Variants in LATS2 observed in about 807,000 individuals in gnomAD.
LATS2 encodes the protein serine/threonine-protein kinase LATS2.
Under a neutral mutation model 76.0 loss-of-function variants are expected in LATS2, and 24 were observed. That is an observed-to-expected ratio of 0.32 (90% CI 0.23 to 0.44). LATS2 has a LOEUF of 0.44. LATS2 is among the 20% of genes least tolerant of loss of function. The pLI is 1.00. For synonymous variants in LATS2, 692 were observed against 635.4 expected (o/e 1.09, Z -1.34); for missense variants, 1,286 against 1,481.2 (o/e 0.87, Z 2.16).
chr13:21,058,682 A>C (rs1258271544), intron 1 of LATS2, among the ~76,000 whole-genome samples: 1 of 152,254 alleles, frequency 6.6e-6, no homozygotes, highest in Non-Finnish European at 1.5e-5. Context: ...TAATTTTGCA[A>C]GACAGGCTAG....
chr13:20,982,513 G>A (rs983406103), intron 5 of LATS2, among the ~76,000 whole-genome samples: 3 of 152,104 alleles, frequency 2.0e-5, no homozygotes, highest in East Asian at 2.0e-4. Flanking sequence ...GTTTCTCCAC[G>A]TTGGTCAGGC....
At chr13:21,001,932 G>T (rs1871058631) in intron 2 of LATS2, among the ~76,000 whole-genome samples, 1 of 147,418 alleles carries the variant, frequency 6.8e-6, no homozygotes, top group African/African-American at 2.5e-5. Flanking sequence ...ATTTTTTTTT[G>T]AGGCGGAGTC....
chr13:21,003,498 T>C (rs1263148658), intron 2 of LATS2, among the ~76,000 whole-genome samples: 1 of 151,790 alleles, frequency 6.6e-6, no homozygotes, highest in Non-Finnish European at 1.5e-5. Flanking sequence ...TGGAGTGCAG[T>C]GACACAATCT....
At chr13:21,036,849 T>C (rs927692813) in intron 2 of LATS2, among the ~76,000 whole-genome samples, 5 of 152,156 alleles carry the variant, frequency 3.3e-5, no homozygotes, top group Non-Finnish European at 7.3e-5. Flanking sequence ...TAGTTTTTAG[T>C]AGTAGTAGTG....
intron 2 of LATS2, among the ~76,000 whole-genome samples, chr13:21,030,588 T>C (rs1872487558): frequency 4.5e-5 from 3 of 66,862 alleles, no homozygotes; most frequent in South Asian, 1.1e-3. Context: ...AGAGACTCCG[T>C]CTCAAAAAAA....
In LATS2 at chr13:20,988,628, C is replaced by G. The variant is rs571394727; in HGVS notation, c.1152G>C (p.Pro384=). 3.1e-6 allele frequency: 5 copies of G among 1,587,818 alleles called. No homozygotes were observed. The highest frequency in any genetic ancestry group is 2.3e-5 in the East Asian group (1 of 44,354). The change falls in exon 4 of 8, where the codon CCG becomes CCC. Residue 384 remains proline, a synonymous_variant. Transcript: ENST00000382592. ...GCGCGCGCGGCGGCGCCTCCAGGCC[C>G]GGCTTCTGCAGGGAGTCCCGGCGGG... ...TLARRDSLQK[P]GLEAPPRAHV... is the part of the protein sequence containing the mutation.
In LATS2 at chr13:21,032,072, T is replaced by C. The variant is rs567628436; in HGVS notation, c.342+13613A>G. 2.0e-5 allele frequency among the ~76,000 whole-genome samples: 3 copies of C among 152,356 alleles called. No individual in the cohort carries two copies. In the South Asian group the frequency reaches 6.2e-4, roughly 32 times the overall value. Reference sequence around the variant, plus strand: ...CTCCTGGTGCTATTGACTGCCTTAGTTCCTAAGGGTTTCACTTTCCGTTTT... The same window carrying C: ...CTCCTGGTGCTATTGACTGCCTTAGCTCCTAAGGGTTTCACTTTCCGTTTT... On this transcript the variant is annotated intron_variant, in intron 2 of 7. Transcript: ENST00000382592.
chr13:20,995,285 T>C (rs1870703550), intron 2 of LATS2, among the ~76,000 whole-genome samples: 1 of 152,254 alleles, frequency 6.6e-6, no homozygotes, highest in African/African-American at 2.4e-5. Context: ...CTGTGTATTC[T>C]TCTTACAATA....
chr13:21,044,566 C>T (rs982300403), intron 2 of LATS2, among the ~76,000 whole-genome samples: 4 of 152,172 alleles, frequency 2.6e-5, no homozygotes, highest in Non-Finnish European at 5.9e-5. Flanking sequence ...TTACATTTCA[C>T]TAATTACATT....
chr13:20,981,338 C>T, intron 6 of LATS2, 128 bp downstream of exon 6: 2 of 825,418 alleles, frequency 2.4e-6, no homozygotes, highest in Non-Finnish European at 3.7e-6. Flanking sequence ...TAGTAGCTTT[C>T]AGGCTTCTAT....
chr13:21,031,734 C>T (rs1301702190), intron 2 of LATS2, among the ~76,000 whole-genome samples: 2 of 152,084 alleles, frequency 1.3e-5, no homozygotes, highest in Non-Finnish European at 2.9e-5. Context: ...GCGAAGTGTG[C>T]CTGTAGTCAC....
chr13:20,989,006 C>G lies in LATS2; in HGVS notation c.774G>C (p.Leu258=), dbSNP rs768375606. 1.3e-6 allele frequency: 2 copies of G among 1,548,570 alleles called. No homozygotes were observed. The highest frequency in any genetic ancestry group is 2.7e-5 in the African/African-American group (2 of 73,562). ...AGCCCAGGGGTTCCCCAGGCACCAG[C>G]AGGTGCGGCCGCCCGTAGTGCGCGC... ...LQGAHYGRPH[L]LVPGEPLGYG... is the part of the protein sequence containing the mutation. The change falls in exon 4 of 8, where the codon CTG becomes CTC. Residue 258 remains leucine (L), a synonymous_variant. Transcript: ENST00000382592.
chr13:20,987,082 C>T (rs560756826), intron 4 of LATS2, among the ~76,000 whole-genome samples: 17 of 152,312 alleles, frequency 1.1e-4, no homozygotes, highest in African/African-American at 3.8e-4. Context: ...GTAACCCCAA[C>T]TACTCGGGAA....
chr13:20,988,277 C>T lies in LATS2; in HGVS notation c.1503G>A (p.Pro501=), dbSNP rs756098345. Residue 501 remains proline (P), a synonymous_variant, in exon 4 of 8, where the codon CCG becomes CCA. Transcript: ENST00000382592. ...CTGGGCCTCCGTACTCCACGTCCAG[C>T]GGGAAGGCGCCTGCGCCGCCCAGCG... ...ALALGGAGAF[P]LDVEYGGPDR... is the part of the protein sequence containing the mutation. The T allele has an allele frequency of 4.4e-6, 7 of 1,578,510 alleles. No individual in the cohort carries two copies. In the Admixed American group the frequency reaches 5.2e-5, roughly 12 times the overall value.
At chr13:20,993,626 T>C (rs1241827847) in intron 2 of LATS2, among the ~76,000 whole-genome samples, 1 of 151,974 alleles carries the variant, frequency 6.6e-6, no homozygotes, top group Non-Finnish European at 1.5e-5. Flanking sequence ...CAGACCTGTT[T>C]GTTAAAGTGG....
intron 1 of LATS2, among the ~76,000 whole-genome samples, chr13:21,054,177 G>A (rs1002627253): frequency 1.3e-5 from 2 of 152,210 alleles, no homozygotes; most frequent in African/African-American, 4.8e-5. Flanking sequence ...ACGGCTGGGT[G>A]CAGTGGCTCA....
chr13:21,004,881 G>A (rs184089998), intron 2 of LATS2, among the ~76,000 whole-genome samples: 1 of 152,312 alleles, frequency 6.6e-6, no homozygotes, highest in African/African-American at 2.4e-5. Context: ...AGGAAAATAA[G>A]TAATTACACA....
intron 4 of LATS2, among the ~76,000 whole-genome samples, chr13:20,987,584 C>A (rs145052665): frequency 5.7e-4 from 86 of 152,178 alleles, no homozygotes; most frequent in African/African-American, 2.0e-3. Flanking sequence ...GAGGACATAC[C>A]CTAAAACTTA....
intron 2 of LATS2, among the ~76,000 whole-genome samples, chr13:21,012,663 G>A (rs778414719): frequency 9.9e-5 from 15 of 152,150 alleles, no homozygotes; most frequent in Non-Finnish European, 1.5e-5. Flanking sequence ...TGGTAAACAA[G>A]TATGGTATAA....
Sources: allele counts gnomAD v4.1 joint callset (sites outside exome capture counted in the v4.1 genomes callset), GRCh38; gene constraint gnomAD v4.1.1; transcripts MANE v1.5; gene names NCBI Gene and HGNC (gene_info 2026-07-23, HGNC 2026-07-21).